DHRSX: variants seen among roughly 807,000 people sequenced by gnomAD.
The protein encoded by DHRSX is polyprenol dehydrogenase.
In DHRSX, 31 loss-of-function variants were observed where a neutral mutation model predicts 34.0. That is an observed-to-expected ratio of 0.91 (90% confidence interval 0.69 to 1.23). The LOEUF is 1.23. DHRSX is among the 50% of genes most tolerant of loss of function. DHRSX has a pLI of 0.00. For missense variants in DHRSX, 414 were observed against 428.1 expected, an observed-to-expected ratio of 0.97 and a Z score of 0.29; for synonymous variants, 201 against 183.8, an observed-to-expected ratio of 1.09 and a Z score of -0.76.
chrX:2,368,258 A>T (rs1390234877), intron 3 of DHRSX, among the ~76,000 whole-genome samples: 2 of 150,508 alleles, frequency 1.3e-5, no homozygotes, highest in Non-Finnish European at 3.0e-5. Context: ...AAAAAAAAAG[A>T]AAAAAGGTCT....
chrX:2,465,169 G>A lies in DHRSX; in HGVS notation c.109+35648C>T, dbSNP rs571328869. Among the ~76,000 whole-genome samples, 26 of 152,258 alleles carry A rather than the reference G, an allele frequency of 1.7e-4. No homozygotes were observed. In the South Asian group the frequency reaches 5.2e-3, roughly 30 times the overall value. ...AAGCATGTGGCCAAGGGAACAAACT[G>A]AAGACGTTCCCTAATACAAAAGCTA... On this transcript the variant is annotated intron_variant, in intron 1 of 6. Transcript: ENST00000334651.
At chrX:2,252,009 G>A (rs1212134902) in intron 5 of DHRSX, among the ~76,000 whole-genome samples, 1 of 152,072 alleles carries the variant, frequency 6.6e-6, no homozygotes, top group Admixed American at 6.6e-5. Context: ...AGGCTGAGGT[G>A]GGTGGATCAC....
At chrX:2,333,141 G>T (rs1205257815) in intron 3 of DHRSX, among the ~76,000 whole-genome samples, 1 of 152,102 alleles carries the variant, frequency 6.6e-6, no homozygotes, top group Non-Finnish European at 1.5e-5. Flanking sequence ...TTACATTCAC[G>T]ATGGGTAAAA....
intron 3 of DHRSX, among the ~76,000 whole-genome samples, chrX:2,323,322 T>C (rs1164263482): frequency 1.3e-5 from 2 of 152,056 alleles, no homozygotes; most frequent in Non-Finnish European, 2.9e-5. Context: ...ATTTGAAAAC[T>C]CCTACGGGAT....
At chrX:2,470,313 G>A (rs7882407) in intron 1 of DHRSX, among the ~76,000 whole-genome samples, 28,882 of 149,882 alleles carry the variant, frequency 0.19, 2,616 homozygotes, top group African/African-American at 0.36. Context: ...TGGAATCACT[G>A]TGCTATGGAA....
chrX:2,224,919 ACATTCACATGCACT>A (rs1400234956), intron 6 of DHRSX, among the ~76,000 whole-genome samples: 1 of 150,598 alleles, frequency 6.6e-6, no homozygotes, highest in Non-Finnish European at 1.5e-5. Flanking sequence ...ACGTACACAC[ACATTCACATGCACT>A]CATTCACATG....
chrX:2,435,180 G>C (rs962016984), intron 1 of DHRSX, among the ~76,000 whole-genome samples: 5 of 152,104 alleles, frequency 3.3e-5, no homozygotes, highest in African/African-American at 1.2e-4. Flanking sequence ...AACAGGAGGG[G>C]TTGTTGGTGA....
chrX:2,326,816 T>C (rs1569489244), intron 3 of DHRSX, among the ~76,000 whole-genome samples: 1 of 151,862 alleles, frequency 6.6e-6, no homozygotes, highest in Non-Finnish European at 1.5e-5. Context: ...TTTCTTTTTT[T>C]TTTTTTTCTT....
chrX:2,425,334 C>T (rs1385514066), intron 1 of DHRSX, 30 bp from the exon 2 acceptor site: 2 of 1,575,664 alleles, frequency 1.3e-6, no homozygotes, highest in Non-Finnish European at 1.7e-6. Flanking sequence ...AATCATCAAA[C>T]TAAGATTTGA....
At chrX:2,467,929 C>T (rs1603132374) in intron 1 of DHRSX, among the ~76,000 whole-genome samples, 1 of 150,274 alleles carries the variant, frequency 6.7e-6, no homozygotes, top group African/African-American at 2.5e-5. Flanking sequence ...CACCACTGCA[C>T]TCCAGCCTGG....
chrX:2,389,584 T>G (rs28506481), intron 3 of DHRSX, among the ~76,000 whole-genome samples: 35,299 of 151,938 alleles, frequency 0.23, 5,377 homozygotes, highest in Non-Finnish European at 0.35. Context: ...ATGGGTACTT[T>G]TATCCACTCA....
intron 5 of DHRSX, among the ~76,000 whole-genome samples, chrX:2,256,547 C>T (rs1229962647): frequency 3.9e-5 from 6 of 152,132 alleles, no homozygotes; most frequent in East Asian, 1.9e-4. Flanking sequence ...ACGCCCGCCT[C>T]GGCCTCCCAA....
chrX:2,489,238 C>T (rs144504301), intron 1 of DHRSX: 9 of 1,613,994 alleles, frequency 5.6e-6, no homozygotes, highest in African/African-American at 4.0e-5. Context: ...CCACGCGATT[C>T]TCCACCTGCT....
chrX:2,271,973 A>AGT (rs1334186620), intron 4 of DHRSX, among the ~76,000 whole-genome samples: 2 of 151,580 alleles, frequency 1.3e-5, no homozygotes, highest in East Asian at 3.9e-4. Flanking sequence ...CCTGGGAGGC[A>AGT]GAGGTTGCAG....
intron 3 of DHRSX, among the ~76,000 whole-genome samples, chrX:2,379,172 C>T (rs1345238630): frequency 2.0e-5 from 3 of 151,718 alleles, no homozygotes; most frequent in Non-Finnish European, 4.4e-5. Flanking sequence ...GCCCCTAACC[C>T]TCACGTGGCT....
At chrX:2,350,686 G>C (rs2042778778) in intron 3 of DHRSX, among the ~76,000 whole-genome samples, 1 of 152,160 alleles carries the variant, frequency 6.6e-6, no homozygotes, top group African/African-American at 2.4e-5. Flanking sequence ...GTTGTGCCTA[G>C]AGTTAACAAG....
At chrX:2,461,980 G>A (rs1222702298) in intron 1 of DHRSX, among the ~76,000 whole-genome samples, 1 of 152,130 alleles carries the variant, frequency 6.6e-6, no homozygotes, top group African/African-American at 2.4e-5. Context: ...GAGAGCCACC[G>A]CGGCTGGCCA....
intron 2 of DHRSX, among the ~76,000 whole-genome samples, chrX:2,416,161 C>T (rs2043690520): frequency 6.6e-6 from 1 of 151,946 alleles, no homozygotes; most frequent in South Asian, 2.1e-4. Context: ...AACTTGATCT[C>T]ATCCTGACCA....
At chrX:2,467,671 G>A (rs966689605) in intron 1 of DHRSX, among the ~76,000 whole-genome samples, 1 of 152,140 alleles carries the variant, frequency 6.6e-6, no homozygotes, top group African/African-American at 2.4e-5. Context: ...TGCAAACCAG[G>A]TGGATCAAGA....
Sources: gnomAD v4.1 joint callset for allele counts (sites outside exome capture counted in the v4.1 genomes callset) on GRCh38, gnomAD v4.1.1 for gene constraint, MANE v1.5 for transcripts, NCBI Gene and HGNC (gene_info 2026-07-23, HGNC 2026-07-21) for gene names.